Variants in VPS9D1 observed in about 807,000 individuals in gnomAD.
VPS9D1 encodes the protein VPS9 domain-containing protein 1.
Under a neutral mutation model 75.8 loss-of-function variants are expected in VPS9D1, and 78 were observed. That is an observed-to-expected ratio of 1.03 (90% CI 0.86 to 1.24). VPS9D1 has a LOEUF of 1.24. VPS9D1 is among the 50% of genes most tolerant of loss of function. VPS9D1 has a pLI of 0.00. For missense variants in VPS9D1, 1,057 were observed against 847.7 expected (o/e 1.25, Z -3.07); for synonymous variants, 481 against 385.6 (o/e 1.25, Z -2.90).
intron 2 of VPS9D1, among the ~76,000 whole-genome samples, chr16:89,718,411 A>G (rs1254693250): frequency 6.6e-6 from 1 of 151,488 alleles, no homozygotes; most frequent in African/African-American, 2.4e-5. Context: ...ACACAGCCCC[A>G]CCCCGCCCAC....
intron 4 of VPS9D1, among the ~76,000 whole-genome samples, chr16:89,714,367 T>A (rs2061012481): frequency 1.3e-5 from 2 of 152,202 alleles, no homozygotes; most frequent in African/African-American, 2.4e-5. Context: ...AAAGGCACTA[T>A]GTGGGTCAAA....
In VPS9D1 at chr16:89,712,662, C is replaced by G. The variant is rs1032050038; in HGVS notation, c.486G>C (p.Ala162=). The change falls in exon 5 of 15, where the codon GCG becomes GCC. Residue 162 remains alanine (A), a synonymous_variant. Coordinates refer to ENST00000389386, the MANE Select transcript of VPS9D1 (RefSeq NM_004913.3). Reference sequence around the variant, plus strand: ...CTAGCCGCGCCATTCGGGCCTCATACGCAGCCTTCAGCTTCTGATTCTGCA... The same window carrying G: ...CTAGCCGCGCCATTCGGGCCTCATAGGCAGCCTTCAGCTTCTGATTCTGCA... ...ASLQNQKLKA[A]YEARMARLDP... The G allele has an allele frequency of 4.3e-6, 7 of 1,612,298 alleles. No individual in the cohort carries two copies. Among genetic ancestry groups the G allele is most frequent in the African/African-American group, 1.3e-5 (1 of 75,030 alleles).
rs1043898847 is a variant in VPS9D1 at position 89,707,648 on chromosome 16, G to A, written c.*213C>T. 23 of 547,454 alleles carry A rather than the reference G, an allele frequency of 4.2e-5. No homozygotes were observed. The highest frequency in any genetic ancestry group is 1.8e-4 in the South Asian group (8 of 44,118). The allele number at this position is 547,454 out of a possible 1,614,324, so 33.9% of individuals were successfully genotyped here. ...GGAGCTGATTCAGCCCCATTCTGTC[G>A]GGGCAGAGGTGCCAACCCCAAGCTC... On this transcript the variant is annotated 3_prime_UTR_variant, in exon 15 of 15. Transcript: ENST00000389386.
chr16:89,708,390 C>T lies in VPS9D1; in HGVS notation c.1802+37G>A, dbSNP rs757631765. On this transcript the variant is annotated intron_variant, in intron 14 of 14. Coordinates refer to ENST00000389386, the MANE Select transcript of VPS9D1 (RefSeq NM_004913.3). Reference sequence around the variant, plus strand: ...GTTGAGGGATGAGGTCCCTGCTCTTCGCACAGAGACCCCCACCCTGACCCG... The same window carrying T: ...GTTGAGGGATGAGGTCCCTGCTCTTTGCACAGAGACCCCCACCCTGACCCG... 1.7e-5 allele frequency: 26 copies of T among 1,564,724 alleles called. No individual in the cohort carries two copies. The Admixed American group carries it at 2.4e-4, about 14-fold the overall frequency.
In VPS9D1 at chr16:89,712,112, T is replaced by G; in HGVS notation, c.607-13A>C. ...TCTTTCTCTGGAGCTGGGTGCAGAGTCAAGGGGCCGAGCGTGGGATCTGAG... is the reference window on the plus strand; with the variant it reads ...TCTTTCTCTGGAGCTGGGTGCAGAGGCAAGGGGCCGAGCGTGGGATCTGAG... On this transcript the variant is annotated splice_polypyrimidine_tract_variant and intron_variant, in intron 6 of 14. Transcript: ENST00000389386. 6.5e-7 allele frequency: 1 copy of G among 1,547,940 alleles called. No individual in the cohort carries two copies.
rs1295695203 is a variant in VPS9D1 at position 89,709,919 on chromosome 16, G to C, written c.1259-13C>G. 1.3e-6 allele frequency: 2 copies of C among 1,593,002 alleles called. No individual in the cohort carries two copies. Among genetic ancestry groups the C allele is most frequent in the Non-Finnish European group, 1.7e-6 (2 of 1,169,094 alleles). ...GAGAGCAGCCTGTCTGCTAGGAACA[G>C]AGCCGGGGACGTCCACAGAGGCTCC... On this transcript the variant is annotated splice_polypyrimidine_tract_variant and intron_variant, in intron 10 of 14. Coordinates refer to ENST00000389386, the MANE Select transcript of VPS9D1 (RefSeq NM_004913.3).
intron 4 of VPS9D1, among the ~76,000 whole-genome samples, chr16:89,713,744 C>G (rs1034447034): frequency 2.0e-5 from 3 of 151,660 alleles, no homozygotes; most frequent in African/African-American, 7.3e-5. Context: ...CACGGTGGCT[C>G]ACGCCTGTAA....
chr16:89,707,884 G>C lies in VPS9D1; in HGVS notation c.1873C>G (p.Pro625Ala), dbSNP rs1567538526. The change falls in exon 15 of 15, where the codon CCC (proline) becomes GCC (alanine). Residue 625 changes from proline to alanine, a missense_variant. By Grantham distance (27) the Pro-to-Ala change is conservative (BLOSUM62 -1). Coordinates refer to ENST00000389386, the MANE Select transcript of VPS9D1 (RefSeq NM_004913.3). Reference protein sequence around the residue: ...QSALSYVELLPRGGLAK With the variant: ...QSALSYVELLARGGLAK Reference sequence around the variant, plus strand: ...TACTACTTGGCCAGGCCTCCCCGGGGCAGCAGCTCCACGTAGCTCAGGGCA... The same window carrying C: ...TACTACTTGGCCAGGCCTCCCCGGGCCAGCAGCTCCACGTAGCTCAGGGCA... 2.5e-6 allele frequency: 4 copies of C among 1,613,148 alleles called. No individual in the cohort carries two copies. The highest frequency in any genetic ancestry group is 1.3e-5 in the African/African-American group (1 of 75,044).
intron 2 of VPS9D1, chr16:89,717,849 G>A (rs1002438384): frequency 5.3e-5 from 24 of 456,296 alleles, no homozygotes; most frequent in Middle Eastern, 3.2e-4. Flanking sequence ...GTGATCCTAC[G>A]TCCAGTGGCT....
chr16:89,708,717 G>A, intron 13 of VPS9D1, 140 bp downstream of exon 13: 5 of 1,129,226 alleles, frequency 4.4e-6, no homozygotes, highest in Non-Finnish European at 6.2e-6. Flanking sequence ...CGGAGCCAGG[G>A]CTGGGCCCAC....
rs746959586 is a variant in VPS9D1, at chr16:89,712,478, G to T, written c.588C>A (p.Ala196=). 1 of 1,613,362 alleles carries T rather than the reference G, an allele frequency of 6.2e-7. No homozygotes were observed. Among genetic ancestry groups the T allele is most frequent in the Non-Finnish European group, 8.5e-7 (1 of 1,179,998 alleles). Reference sequence around the variant, plus strand: ...AGGCTGCTGTCTCCTCCCGGGCTTTGGCAATCACTAGGTTCTCCATCATCT... The same window carrying T: ...AGGCTGCTGTCTCCTCCCGGGCTTTTGCAATCACTAGGTTCTCCATCATCT... ...QRQMMENLVI[A]KAREETLQRK... is the part of the protein sequence containing the mutation. Residue 196 remains alanine (A), a synonymous_variant, in exon 6 of 15, where the codon GCC becomes GCA. Coordinates refer to ENST00000389386, the MANE Select transcript of VPS9D1 (RefSeq NM_004913.3).
chr16:89,715,756 A>G (rs111656189), intron 4 of VPS9D1, among the ~76,000 whole-genome samples: 4,587 of 151,540 alleles, frequency 0.03, 116 homozygotes, highest in African/African-American at 0.041. Context: ...GCTCACTGCA[A>G]CCTCCACCTT....
intron 10 of VPS9D1, among the ~76,000 whole-genome samples, chr16:89,710,342 T>C (rs1161663672): frequency 6.6e-6 from 1 of 152,068 alleles, no homozygotes; most frequent in African/African-American, 2.4e-5. Context: ...TCCCAGCACT[T>C]TGGGAGGCCG....
chr16:89,712,572 C>T (rs547506726), intron 5 of VPS9D1, 33 bp downstream of exon 5: 5 of 1,608,632 alleles, frequency 3.1e-6, no homozygotes, highest in East Asian at 2.2e-5. Context: ...CCCGCGCCCA[C>T]GCACCCCCAG....
At chr16:89,712,248 C>T (rs980204927) in intron 6 of VPS9D1, 149 bp from the exon 7 acceptor site, 2 of 1,365,848 alleles carry the variant, frequency 1.5e-6, no homozygotes, top group Non-Finnish European at 2.0e-6. Context: ...CAGAAGGCAG[C>T]CTGCGCTCAA....
chr16:89,709,219 C>A lies in VPS9D1; in HGVS notation c.1597+8G>T. On this transcript the variant is annotated splice_region_variant and intron_variant, in intron 12 of 14. Transcript: ENST00000389386. ...CTGTCCCTCCCCCTGACTCTCGAACCTGCTGACCTATGCACTCCAGCTTCT... is the reference window on the plus strand; with the variant it reads ...CTGTCCCTCCCCCTGACTCTCGAACATGCTGACCTATGCACTCCAGCTTCT... 2.5e-6 allele frequency: 4 copies of A among 1,612,010 alleles called. No homozygotes were observed. The highest frequency in any genetic ancestry group is 3.4e-6 in the Non-Finnish European group (4 of 1,179,968).
At chr16:89,720,668 T>A (rs1035607203) in intron 1 of VPS9D1, 95 bp downstream of exon 1, 135 of 1,250,202 alleles carry the variant, frequency 1.1e-4, no homozygotes, top group Non-Finnish European at 1.3e-4. Flanking sequence ...CTCCCAAGTC[T>A]CCAGCCCGAG....
intron 8 of VPS9D1, chr16:89,711,653 C>A (rs2060926000): frequency 3.0e-6 from 2 of 666,782 alleles, no homozygotes; most frequent in South Asian, 3.9e-5. Flanking sequence ...CCTCCCTCCT[C>A]GCTGGGACCC....
chr16:89,718,304 T>C, intron 2 of VPS9D1: 1 of 346,936 alleles, frequency 2.9e-6, no homozygotes, highest in South Asian at 2.2e-5. Context: ...AGTCCTCACC[T>C]GAGGCTCCAC....
Sources: allele counts gnomAD v4.1 joint callset (sites outside exome capture counted in the v4.1 genomes callset), GRCh38; gene constraint gnomAD v4.1.1; transcripts MANE v1.5; gene names NCBI Gene and HGNC (gene_info 2026-07-23, HGNC 2026-07-21).